MEIOB: variants seen among roughly 807,000 people sequenced by gnomAD.
MEIOB encodes the protein meiosis specific with OB-fold.
MEIOB carries 50 observed loss-of-function variants against 53.1 expected under a neutral mutation model. That is an observed-to-expected ratio of 0.94 (90% CI 0.75 to 1.19). The LOEUF (loss-of-function observed/expected upper bound fraction) is 1.19, where lower values mean the gene tolerates loss of function less well. MEIOB is among the 50% of genes most tolerant of loss of function. MEIOB has a pLI of 0.00. For synonymous variants in MEIOB, 192 were observed against 182.5 expected, an observed-to-expected ratio of 1.05 and a Z score of -0.42; for missense variants, 551 against 550.8, an observed-to-expected ratio of 1.00 and a Z score of 0.00.
intron 4 of MEIOB, 39 bp from the exon 5 acceptor site, chr16:1,860,514 G>A: frequency 2.6e-6 from 3 of 1,146,214 alleles, no homozygotes; most frequent in Non-Finnish European, 3.8e-6. Context: ...TTACAAAACA[G>A]TAACAAGATA....
At position 1,853,202 on chromosome 16, in the gene MEIOB, T is replaced by G; in HGVS notation, c.682+17A>C. 1 of 1,556,980 alleles carries G rather than the reference T, an allele frequency of 6.4e-7. No individual in the cohort carries two copies. The highest frequency in any genetic ancestry group is 8.7e-7 in the Non-Finnish European group (1 of 1,147,074). On this transcript the variant is annotated intron_variant, in intron 8 of 13. Transcript: ENST00000325962. Reference sequence around the variant, plus strand: ...TATAAATGACAAATATTGGACACAATCATTGAATGATAATACCTGTTTCTC... The same window carrying G: ...TATAAATGACAAATATTGGACACAAGCATTGAATGATAATACCTGTTTCTC...
intron 13 of MEIOB, among the ~76,000 whole-genome samples, chr16:1,835,816 C>T (rs1414033653): frequency 2.6e-5 from 4 of 152,030 alleles, no homozygotes; most frequent in African/African-American, 9.7e-5. Flanking sequence ...ACCCATTCAG[C>T]ATTTTGCATT....
intron 9 of MEIOB, among the ~76,000 whole-genome samples, chr16:1,848,646 G>A (rs1028752911): frequency 6.7e-6 from 1 of 149,884 alleles, no homozygotes; most frequent in East Asian, 2.0e-4. Context: ...CGGCTGAAGC[G>A]ATCCTCCTGC....
intron 2 of MEIOB, among the ~76,000 whole-genome samples, chr16:1,867,059 T>C (rs970493045): frequency 6.6e-6 from 1 of 152,184 alleles, no homozygotes; most frequent in African/African-American, 2.4e-5. Context: ...CAAGAAAAAC[T>C]ATAACAACAA....
intron 10 of MEIOB, among the ~76,000 whole-genome samples, chr16:1,842,929 T>C (rs1467469475): frequency 2.0e-5 from 3 of 149,186 alleles, no homozygotes; most frequent in African/African-American, 7.3e-5. Flanking sequence ...CCCAAAGTGC[T>C]GGGATTACAG....
At chr16:1,849,361 G>A (rs762262651) in intron 9 of MEIOB, among the ~76,000 whole-genome samples, 3 of 151,952 alleles carry the variant, frequency 2.0e-5, no homozygotes, top group Non-Finnish European at 2.9e-5. Flanking sequence ...TGGCTAACAT[G>A]GTGAAACCCC....
intron 10 of MEIOB, among the ~76,000 whole-genome samples, chr16:1,842,695 A>G (rs180823964): frequency 0.17 from 25,690 of 148,312 alleles, 2,391 homozygotes; most frequent in South Asian, 0.27. Context: ...ACAGAGTCTC[A>G]CTCTGTCGCC....
In MEIOB at chr16:1,869,726, C is replaced by G. The variant is rs180861340; in HGVS notation, c.-9-1542G>C. Reference sequence around the variant, plus strand: ...TCGGCCTCCCAAAGTGCTGGGATTACAGGCATGAGCCACCACGCCCGGCCT... The same window carrying G: ...TCGGCCTCCCAAAGTGCTGGGATTAGAGGCATGAGCCACCACGCCCGGCCT... On this transcript the variant is annotated intron_variant, in intron 1 of 13. Transcript: ENST00000325962. Among the ~76,000 whole-genome samples, 3 of 152,212 alleles carry G rather than the reference C, an allele frequency of 2.0e-5. No individual in the cohort carries two copies. The East Asian group carries it at 5.8e-4, about 29-fold the overall frequency.
Position 1,863,698 on chromosome 16 carries a change from G to A in MEIOB, c.128-1582C>T, listed in dbSNP as rs183429557. The stretch of plus-strand genomic sequence containing the variant: ...TGAGACAAGGTTTTTTAGTAGAGGT[G>A]GGGAAGAACAGAGTGAGACCCTGTC... On this transcript the variant is annotated intron_variant, in intron 3 of 13. Coordinates refer to ENST00000325962, the MANE Select transcript of MEIOB (RefSeq NM_001163560.3). Among the ~76,000 whole-genome samples, 149 of 150,708 alleles carry A rather than the reference G, an allele frequency of 9.9e-4. 1 individual carries two copies. In the East Asian group the frequency reaches 0.027, roughly 28 times the overall value.
chr16:1,846,759 AT>A (rs1899035944), intron 9 of MEIOB, among the ~76,000 whole-genome samples: 1 of 151,958 alleles, frequency 6.6e-6, no homozygotes, highest in Admixed American at 6.6e-5. Context: ...ATGAGATAAC[AT>A]GGACACAGGG....
chr16:1,848,089 A>T (rs1899068324), intron 9 of MEIOB, among the ~76,000 whole-genome samples: 1 of 151,544 alleles, frequency 6.6e-6, no homozygotes, highest in South Asian at 2.1e-4. Context: ...CTGAGATCAC[A>T]GGCACGCGCC....
intron 9 of MEIOB, among the ~76,000 whole-genome samples, chr16:1,847,460 T>G (rs574700363): frequency 1.3e-5 from 2 of 151,156 alleles, no homozygotes; most frequent in South Asian, 4.2e-4. Flanking sequence ...AGACTCCATC[T>G]CAAAAAACAA....
chr16:1,834,265 T>C lies in MEIOB; in HGVS notation c.1407A>G (p.Lys469=), dbSNP rs1429035661. The C allele has an allele frequency of 6.3e-7, 1 of 1,592,474 alleles. No individual in the cohort carries two copies. The highest frequency in any genetic ancestry group is 8.6e-7 in the Non-Finnish European group (1 of 1,161,574). Residue 469 remains lysine, a synonymous_variant, in exon 14 of 14, where the codon AAA becomes AAG. Coordinates refer to ENST00000325962, the MANE Select transcript of MEIOB (RefSeq NM_001163560.3). ...TEASRNLSGQ[K]HV Reference sequence around the variant, plus strand: ...AAAATGATAGACCGTTTTAAACATGTTTTTGTCCAGACAAGTTTCTGCTTG... The same window carrying C: ...AAAATGATAGACCGTTTTAAACATGCTTTTGTCCAGACAAGTTTCTGCTTG...
At chr16:1,869,618 T>C (rs1025223097) in intron 1 of MEIOB, among the ~76,000 whole-genome samples, 4 of 150,396 alleles carry the variant, frequency 2.7e-5, no homozygotes, top group African/African-American at 9.8e-5. Flanking sequence ...TGGCTAATTT[T>C]GTTTTTGCAT....
At chr16:1,843,362 A>G (rs956463125) in intron 10 of MEIOB, 17 of 152,156 alleles carry the variant, frequency 1.1e-4, no homozygotes, top group African/African-American at 4.1e-4. Flanking sequence ...CAAAATGGCC[A>G]ATACACGTAC....
chr16:1,857,313 C>T (rs1373985711), intron 6 of MEIOB, among the ~76,000 whole-genome samples: 1 of 152,174 alleles, frequency 6.6e-6, no homozygotes, highest in Non-Finnish European at 1.5e-5. Flanking sequence ...TGTATTCCCA[C>T]TCCCTCCCTG....
At chr16:1,852,052 G>A (rs903362788) in intron 9 of MEIOB, among the ~76,000 whole-genome samples, 1 of 152,118 alleles carries the variant, frequency 6.6e-6, no homozygotes, top group Non-Finnish European at 1.5e-5. Context: ...GGCATTTAAT[G>A]TGCAGTTATG....
intron 3 of MEIOB, among the ~76,000 whole-genome samples, chr16:1,863,251 G>A (rs1273518972): frequency 1.3e-5 from 2 of 152,002 alleles, no homozygotes; most frequent in African/African-American, 2.4e-5. Flanking sequence ...GTTCAGTGAC[G>A]CGATCTCTCG....
At chr16:1,838,396 A>G (rs1898807055) in intron 12 of MEIOB, among the ~76,000 whole-genome samples, 1 of 152,174 alleles carries the variant, frequency 6.6e-6, no homozygotes. Context: ...AAATCCCCTC[A>G]ATAAAGTGGA....
Sources: allele counts gnomAD v4.1 joint callset (sites outside exome capture counted in the v4.1 genomes callset), GRCh38; gene constraint gnomAD v4.1.1; transcripts MANE v1.5; gene names NCBI Gene and HGNC (gene_info 2026-07-23, HGNC 2026-07-21).